Variants in EIF4G3 observed in about 807,000 individuals in gnomAD.
The protein encoded by EIF4G3 is eukaryotic translation initiation factor 4 gamma 3, also known as eIF-4-gamma 3.
EIF4G3 carries 34 observed loss-of-function variants against 186.4 expected under a neutral mutation model. That is an observed-to-expected ratio of 0.18 (90% CI 0.14 to 0.24). The LOEUF is 0.24. EIF4G3 is among the 10% of genes least tolerant of loss of function. EIF4G3 has a pLI of 1.00. For synonymous variants in EIF4G3, 673 were observed against 679.5 expected, an observed-to-expected ratio of 0.99 and a Z score of 0.15; for missense variants, 1,536 against 1,948.5, an observed-to-expected ratio of 0.79 and a Z score of 3.99.
At chr1:20,991,410 A>T (rs1482323295) in intron 7 of EIF4G3, among the ~76,000 whole-genome samples, 1 of 152,168 alleles carries the variant, frequency 6.6e-6, no homozygotes, top group Non-Finnish European at 1.5e-5. Context: ...TCTACAAAAA[A>T]TACAAAAGTT....
At chr1:20,884,907 A>G (rs1403505777) in intron 19 of EIF4G3, among the ~76,000 whole-genome samples, 2 of 152,226 alleles carry the variant, frequency 1.3e-5, no homozygotes, top group African/African-American at 4.8e-5. Flanking sequence ...ATTTTTCCAC[A>G]GACCAGGGTT....
chr1:21,055,221 G>C (rs970213327), intron 3 of EIF4G3, among the ~76,000 whole-genome samples: 7 of 151,942 alleles, frequency 4.6e-5, no homozygotes, highest in Non-Finnish European at 1.0e-4. Context: ...TAATTATTTT[G>C]ATATTTTGCT....
At chr1:20,842,508 T>C (rs2069021605) in intron 29 of EIF4G3, among the ~76,000 whole-genome samples, 1 of 151,840 alleles carries the variant, frequency 6.6e-6, no homozygotes, top group Non-Finnish European at 1.5e-5. Flanking sequence ...GCTGGGATTA[T>C]AGGCATGAGC....
intron 2 of EIF4G3, among the ~76,000 whole-genome samples, chr1:21,108,772 A>G (rs1051052183): frequency 6.6e-6 from 1 of 151,832 alleles, no homozygotes; most frequent in Non-Finnish European, 1.5e-5. Flanking sequence ...GTGTGGTGAC[A>G]CATGCCTGTA....
At chr1:21,113,310 G>A (rs887438670) in intron 2 of EIF4G3, among the ~76,000 whole-genome samples, 40 of 151,788 alleles carry the variant, frequency 2.6e-4, no homozygotes, top group African/African-American at 9.0e-4. Context: ...TAGGCTGAAT[G>A]ATTTTTTTTT....
chr1:21,023,553 C>G (rs998739651), intron 4 of EIF4G3, among the ~76,000 whole-genome samples: 1 of 152,132 alleles, frequency 6.6e-6, no homozygotes, highest in African/African-American at 2.4e-5. Context: ...GTCTTGTTCA[C>G]TCAGTGCTCA....
intron 2 of EIF4G3, among the ~76,000 whole-genome samples, chr1:21,116,176 T>A (rs1056061255): frequency 7.9e-5 from 12 of 152,034 alleles, no homozygotes; most frequent in African/African-American, 2.7e-4. Flanking sequence ...TAACAGAAAA[T>A]TTCTCAGACT....
intron 2 of EIF4G3, among the ~76,000 whole-genome samples, chr1:21,167,273 G>A (rs1391279727): frequency 1.3e-5 from 2 of 152,004 alleles, no homozygotes; most frequent in African/African-American, 4.8e-5. Flanking sequence ...CCAAAATTAT[G>A]TTTGTTCCCA....
At chr1:20,881,920 T>G (rs994176505) in intron 19 of EIF4G3, among the ~76,000 whole-genome samples, 3 of 152,082 alleles carry the variant, frequency 2.0e-5, no homozygotes, top group Non-Finnish European at 4.4e-5. Flanking sequence ...CCCAGCTCTT[T>G]GGAAGGCAGA....
chr1:21,073,750 G>A, intron 3 of EIF4G3: 1 of 461,722 alleles, frequency 2.2e-6, no homozygotes, highest in Non-Finnish European at 4.3e-6. Flanking sequence ...AGTCTATGAT[G>A]GTATTGTCAC....
At chr1:21,148,074 T>G (rs1343534524) in intron 2 of EIF4G3, among the ~76,000 whole-genome samples, 1 of 152,170 alleles carries the variant, frequency 6.6e-6, no homozygotes, top group African/African-American at 2.4e-5. Flanking sequence ...GCATGGCTTT[T>G]TTTCTTTTCA....
intron 2 of EIF4G3, chr1:21,169,530 C>CT (rs1490150616): frequency 6.6e-6 from 1 of 152,094 alleles, no homozygotes; most frequent in Non-Finnish European, 1.5e-5. Flanking sequence ...TTTTACTTTT[C>CT]TATATTTTTC....
At chr1:21,053,857 C>T (rs1197184356) in intron 3 of EIF4G3, among the ~76,000 whole-genome samples, 3 of 143,596 alleles carry the variant, frequency 2.1e-5, no homozygotes, top group African/African-American at 5.3e-5. Context: ...GGGGGGTCAG[C>T]CCCCCGCCCG....
In EIF4G3 at chr1:21,134,314, C is replaced by G. The variant is rs374166448; in HGVS notation, c.-272+41861G>C. Among the ~76,000 whole-genome samples, 5 of 152,132 alleles carry G rather than the reference C, an allele frequency of 3.3e-5. 1 individual carries two copies. The highest frequency in any genetic ancestry group is 2.6e-4 in the Admixed American group (4 of 15,266). On this transcript the variant is annotated intron_variant, in intron 2 of 36. Coordinates refer to ENST00000602326, the MANE Select transcript of EIF4G3 (RefSeq NM_001391906.1). Reference sequence around the variant, plus strand: ...TGAGATTTAATAATTCCAATTTCTTCTTCAGCTGAAATAAAAAGACACCTA... The same window carrying G: ...TGAGATTTAATAATTCCAATTTCTTGTTCAGCTGAAATAAAAAGACACCTA...
At chr1:20,888,272 A>C (rs769483060) in intron 18 of EIF4G3, among the ~76,000 whole-genome samples, 4 of 152,042 alleles carry the variant, frequency 2.6e-5, no homozygotes, top group Non-Finnish European at 4.4e-5. Context: ...GCTTCAAAGG[A>C]AAAAAAACTT....
intron 14 of EIF4G3, among the ~76,000 whole-genome samples, chr1:20,916,051 T>C (rs72976282): frequency 0.034 from 5,174 of 152,276 alleles, 296 homozygotes; most frequent in African/African-American, 0.12. Flanking sequence ...TTATATATTG[T>C]ATTTCCATAT....
chr1:20,895,576 A>G (rs1380199222), intron 16 of EIF4G3, 75 bp from the exon 17 acceptor site: 1 of 1,488,032 alleles, frequency 6.7e-7, no homozygotes, highest in Non-Finnish European at 9.2e-7. Context: ...CGATGTTTCG[A>G]TCAATAACAA....
intron 14 of EIF4G3, among the ~76,000 whole-genome samples, chr1:20,912,425 C>CA (rs5772924): frequency 0.52 from 78,329 of 151,958 alleles, 21,040 homozygotes; most frequent in East Asian, 0.83. Context: ...CTCTGAATTA[C>CA]AAAAAAGTCT....
At chr1:21,062,524 G>C (rs2094972058) in intron 3 of EIF4G3, among the ~76,000 whole-genome samples, 1 of 152,258 alleles carries the variant, frequency 6.6e-6, no homozygotes, top group African/African-American at 2.4e-5. Flanking sequence ...GATTGATATG[G>C]ATCTAGCACC....
Sources: gnomAD v4.1 joint callset for allele counts (sites outside exome capture counted in the v4.1 genomes callset) on GRCh38, gnomAD v4.1.1 for gene constraint, MANE v1.5 for transcripts, NCBI Gene and HGNC (gene_info 2026-07-23, HGNC 2026-07-21) for gene names.